TBL1X: variants seen among roughly 807,000 people sequenced by gnomAD.
TBL1X encodes the protein transducin beta like 1 X-linked.
In TBL1X, 10 loss-of-function variants were observed where a neutral mutation model predicts 50.7. The observed-to-expected ratio is 0.20, with a 90% CI of 0.12 to 0.33. The LOEUF (loss-of-function observed/expected upper bound fraction) is 0.33, where lower values mean the gene tolerates loss of function less well. Ranked by LOEUF, TBL1X falls within the 10% of genes least tolerant of loss-of-function variation. The pLI is 1.00. For synonymous variants in TBL1X, 190 were observed against 214.7 expected, an observed-to-expected ratio of 0.88 and a Z score of 1.01; for missense variants, 340 against 504.4, an observed-to-expected ratio of 0.67 and a Z score of 3.12.
intron 2 of TBL1X, among the ~76,000 whole-genome samples, chrX:9,555,453 C>T (rs566110905): frequency 2.7e-5 from 3 of 111,705 alleles, no homozygotes; most frequent in South Asian, 3.7e-4. Context: ...AGTTTATGGA[C>T]ATTTGGTTGC....
chrX:9,634,132 C>T (rs139583716), intron 2 of TBL1X, among the ~76,000 whole-genome samples: 28 of 111,746 alleles, frequency 2.5e-4, no homozygotes, highest in Non-Finnish European at 4.9e-4. Context: ...GCACTCACGA[C>T]GCACAATAGC....
At chrX:9,564,647 C>T (rs778339355) in intron 2 of TBL1X, among the ~76,000 whole-genome samples, 4 of 109,550 alleles carry the variant, frequency 3.7e-5, no homozygotes, top group Admixed American at 9.7e-5. Flanking sequence ...GCAGGAGAAT[C>T]GCTTGAACCC....
intron 2 of TBL1X, among the ~76,000 whole-genome samples, chrX:9,526,606 G>C (rs2082133932): frequency 9.0e-6 from 1 of 111,560 alleles, no homozygotes; most frequent in Admixed American, 9.5e-5. Flanking sequence ...TAAGGGACCA[G>C]AGAGTATGGA....
rs2083084938 is a variant in TBL1X at position 9,689,594 on chromosome X, C to T, written c.616+1319C>T. On this transcript the variant is annotated intron_variant, in intron 7 of 17. Coordinates refer to ENST00000645353, the MANE Select transcript of TBL1X (RefSeq NM_005647.4). ...CCTGGTTGAACTTCTGGAACAGCCACCCCAACCCCCTTCTCAAACCCTGCA... is the reference window on the plus strand; with the variant it reads ...CCTGGTTGAACTTCTGGAACAGCCATCCCAACCCCCTTCTCAAACCCTGCA... 2.7e-5 allele frequency among the ~76,000 whole-genome samples: 3 copies of T among 111,675 alleles called. No homozygotes were observed. In the South Asian group the frequency reaches 1.1e-3, roughly 42 times the overall value.
chrX:9,683,453 C>T (rs1235485055), intron 5 of TBL1X, among the ~76,000 whole-genome samples: 1 of 111,840 alleles, frequency 8.9e-6, no homozygotes, highest in Non-Finnish European at 1.9e-5. Context: ...GAGAAAATTC[C>T]CAGTGTTTTG....
At chrX:9,613,144 C>T (rs2082622125) in intron 2 of TBL1X, among the ~76,000 whole-genome samples, 1 of 111,075 alleles carries the variant, frequency 9.0e-6, no homozygotes, top group South Asian at 3.7e-4. Flanking sequence ...GGTTATTAAT[C>T]TGTTTGGAAG....
At chrX:9,475,471 C>T (rs945824439) in intron 1 of TBL1X, among the ~76,000 whole-genome samples, 9 of 110,003 alleles carry the variant, frequency 8.2e-5, no homozygotes, top group Middle Eastern at 4.7e-3. Context: ...GTTTCGAACT[C>T]CTGACCTCAA....
In TBL1X at chrX:9,688,236, G is replaced by A; in HGVS notation, c.577G>A (p.Ala193Thr). ...CCAAAATCCATCGAAGAACAGAGAG[G>A]CCACGGTGAATGGGGAAGAGAACAG... ...SHQNPSKNREATVNGEENRAH... is the reference protein window; with the variant it reads ...SHQNPSKNRETTVNGEENRAH... Residue 193 changes from alanine (A) to threonine (T), a missense_variant, in exon 7 of 18, where the codon GCC (alanine) becomes ACC (threonine). Ala to Thr is a moderately conservative substitution (Grantham distance 58). Coordinates refer to ENST00000645353, the MANE Select transcript of TBL1X (RefSeq NM_005647.4). 1 of 1,198,739 alleles carries A rather than the reference G, an allele frequency of 8.3e-7. No homozygotes were observed. The highest frequency in any genetic ancestry group is 1.8e-5 in the South Asian group (1 of 54,636).
rs963196780 is a variant in TBL1X, at chrX:9,531,394, T to G, written c.-131+29545T>G. 3.8e-5 allele frequency among the ~76,000 whole-genome samples: 4 copies of G among 106,657 alleles called. No homozygotes were observed. The East Asian group carries it at 1.2e-3, about 31-fold the overall frequency. 92.6% of individuals were successfully genotyped at this position (106,657 alleles called of 115,157 possible). A position where few individuals can be genotyped will look rare whatever the true frequency, so the allele number is the denominator to read the frequency against. ...GTGTGTGTGTGTGTGTGTGTGTGTGTGTGTGTGTTGGTGTGTGTTGGTGGT... is the reference window on the plus strand; with the variant it reads ...GTGTGTGTGTGTGTGTGTGTGTGTGGGTGTGTGTTGGTGTGTGTTGGTGGT... On this transcript the variant is annotated intron_variant, in intron 2 of 17. Coordinates refer to ENST00000645353, the MANE Select transcript of TBL1X (RefSeq NM_005647.4).
intron 2 of TBL1X, among the ~76,000 whole-genome samples, chrX:9,633,789 T>C (rs1472234440): frequency 1.8e-5 from 2 of 111,852 alleles, no homozygotes; most frequent in African/African-American, 6.5e-5. Context: ...AAAGTATCTT[T>C]AGGATTTCAG....
chrX:9,470,146 G>A (rs845449), intron 1 of TBL1X, among the ~76,000 whole-genome samples: 39,002 of 111,512 alleles, frequency 0.35, 5,041 homozygotes, highest in South Asian at 0.52. Context: ...TATTTATGGG[G>A]TGCATTAGAT....
At position 9,640,310 on chromosome X, in the gene TBL1X, G is replaced by A. The variant is rs1051350046; in HGVS notation, c.-93G>A. On this transcript the variant is annotated 5_prime_UTR_variant, in exon 3 of 18. Coordinates refer to ENST00000645353, the MANE Select transcript of TBL1X (RefSeq NM_005647.4). ...AGACGGCTTCCCATTTTTATGACCG[G>A]ATGCTGGGAAGCCTGCTGGTCCACA... The A allele has an allele frequency of 5.4e-5, 6 of 112,024 alleles. No homozygotes were observed. The highest frequency in any genetic ancestry group is 7.5e-5 in the Non-Finnish European group (4 of 53,156). The allele number at this position is 112,024 out of a possible 1,213,427, so 9.2% of individuals were successfully genotyped here. A position where few individuals can be genotyped will look rare whatever the true frequency, so the allele number is the denominator to read the frequency against.
chrX:9,638,365 C>T (rs2082758889), intron 2 of TBL1X, among the ~76,000 whole-genome samples: 1 of 112,302 alleles, frequency 8.9e-6, no homozygotes, highest in African/African-American at 3.2e-5. Context: ...GTTCTATTTG[C>T]ATACTAATAA....
chrX:9,703,211 G>A (rs776020484), intron 12 of TBL1X, among the ~76,000 whole-genome samples: 1 of 104,953 alleles, frequency 9.5e-6, no homozygotes, highest in Non-Finnish European at 2.0e-5. Flanking sequence ...GAACCTTCAG[G>A]GGAAGGGAAG....
At chrX:9,638,165 C>T in intron 2 of TBL1X, among the ~76,000 whole-genome samples, 1 of 111,541 alleles carries the variant, frequency 9.0e-6, no homozygotes, top group East Asian at 2.8e-4. Context: ...GGGACTGTCA[C>T]TATACATGCA....
intron 6 of TBL1X, among the ~76,000 whole-genome samples, chrX:9,684,430 A>G (rs983804635): frequency 2.7e-4 from 29 of 108,577 alleles, no homozygotes; most frequent in African/African-American, 9.4e-4. Context: ...ACAAAAAACA[A>G]TTTTTTAATT....
In TBL1X at chrX:9,654,274, A is replaced by G; in HGVS notation, c.163A>G (p.Thr55Ala). The G allele has an allele frequency of 2.5e-6, 3 of 1,210,791 alleles. No homozygotes were observed. The highest frequency in any genetic ancestry group is 3.4e-6 in the Non-Finnish European group (3 of 895,463). The change falls in exon 5 of 18, where the codon ACC becomes GCC. Residue 55 changes from threonine (T) to alanine (A), a missense_variant. This residue lies in a region of TBL1X where 41 missense variants were observed against 48.6 expected (regional missense o/e 0.84). Transcript: ENST00000645353. ...SPRGEAKMSI[T>A]SDEVNFLVYR... ...GCGAGGTGAGGCTAAGATGAGCATA[A>G]CCAGTGACGAGGTGAACTTTCTGGT...
At chrX:9,529,316 C>T (rs2082148362) in intron 2 of TBL1X, among the ~76,000 whole-genome samples, 1 of 110,924 alleles carries the variant, frequency 9.0e-6, no homozygotes, top group African/African-American at 3.3e-5. Flanking sequence ...TACTCTCTTG[C>T]CGGTCCTCTG....
chrX:9,609,344 T>TGTGTGTGC (rs1314411264), intron 2 of TBL1X, among the ~76,000 whole-genome samples: 8 of 105,149 alleles, frequency 7.6e-5, no homozygotes, highest in African/African-American at 2.8e-4. Flanking sequence ...CAGGTGTGTG[T>TGTGTGTGC]GTGTGTGTGT....
Sources: allele counts gnomAD v4.1 joint callset (sites outside exome capture counted in the v4.1 genomes callset), GRCh38; gene constraint gnomAD v4.1.1; regional missense constraint gnomAD v4.1.1; transcripts MANE v1.5; gene names NCBI Gene and HGNC (gene_info 2026-07-23, HGNC 2026-07-21).